PTPRD: variants seen among roughly 807,000 people sequenced by gnomAD.
PTPRD encodes the protein receptor-type tyrosine-protein phosphatase delta.
A neutral mutation model predicts 214.5 loss-of-function variants in PTPRD; 34 were observed. The observed-to-expected ratio is 0.16, with a 90% CI of 0.12 to 0.21. The LOEUF (loss-of-function observed/expected upper bound fraction) is 0.21. Ranked by LOEUF, PTPRD falls within the 10% of genes least tolerant of loss-of-function variation. The pLI is 1.00. For synonymous variants in PTPRD, 1,128 were observed against 845.7 expected, an observed-to-expected ratio of 1.33 and a Z score of -5.79; for missense variants, 2,545 against 2,398.7, an observed-to-expected ratio of 1.06 and a Z score of -1.27.
chr9:9,874,848 T>G (rs559932829), intron 5 of PTPRD, among the ~76,000 whole-genome samples: 21 of 152,150 alleles, frequency 1.4e-4, no homozygotes, highest in Non-Finnish European at 2.9e-4. Flanking sequence ...AATTTGAGAT[T>G]AGTGATACAT....
intron 5 of PTPRD, among the ~76,000 whole-genome samples, chr9:9,867,700 A>T (rs955471485): frequency 6.6e-6 from 1 of 152,126 alleles, no homozygotes; most frequent in African/African-American, 2.4e-5. Context: ...AGTCCCTTTA[A>T]TTCTCAACTC....
chr9:10,195,366 C>G (rs889123998), intron 3 of PTPRD, among the ~76,000 whole-genome samples: 2 of 151,932 alleles, frequency 1.3e-5, no homozygotes, highest in Non-Finnish European at 2.9e-5. Context: ...GTTAGAGACC[C>G]CAATTTTAGA....
intron 35 of PTPRD, among the ~76,000 whole-genome samples, chr9:8,407,920 C>T (rs1378176926): frequency 6.6e-6 from 1 of 152,174 alleles, no homozygotes; most frequent in Non-Finnish European, 1.5e-5. Context: ...TAAAGAATAA[C>T]AACTGAAAGT....
rs115391016 is a variant in PTPRD at position 10,124,133 on chromosome 9, G to A, written c.-544-90343C>T. Among the ~76,000 whole-genome samples, 654 of 152,060 alleles carry A rather than the reference G, an allele frequency of 4.3e-3. 4 individuals carry two copies. Among genetic ancestry groups the A allele is most frequent in the African/African-American group, 0.015 (628 of 41,486 alleles). On this transcript the variant is annotated intron_variant, in intron 3 of 45. Coordinates refer to ENST00000381196, the MANE Select transcript of PTPRD (RefSeq NM_002839.4). ...CATTTACTCAGTTGAGGAACCTGAC[G>A]GTCTCTTTTAAAAAGAGCACAGGAT...
chr9:9,201,088 T>C (rs912514959), intron 9 of PTPRD, among the ~76,000 whole-genome samples: 1 of 152,204 alleles, frequency 6.6e-6, no homozygotes, highest in Non-Finnish European at 1.5e-5. Flanking sequence ...TGGAAAATCT[T>C]ATCATGAAAA....
chr9:10,211,979 T>A (rs1217622721), intron 3 of PTPRD, among the ~76,000 whole-genome samples: 1 of 152,154 alleles, frequency 6.6e-6, no homozygotes, highest in Non-Finnish European at 1.5e-5. Context: ...ATACAGCAGG[T>A]CAATTTTGTC....
chr9:10,274,894 G>A (rs1468562873), intron 3 of PTPRD, among the ~76,000 whole-genome samples: 1 of 152,112 alleles, frequency 6.6e-6, no homozygotes. Flanking sequence ...AATGACGGTG[G>A]AATAGATGGT....
intron 12 of PTPRD, among the ~76,000 whole-genome samples, chr9:8,644,317 A>G (rs1564936601): frequency 6.6e-6 from 1 of 152,092 alleles, no homozygotes; most frequent in Non-Finnish European, 1.5e-5. Context: ...TGAGACGGAG[A>G]GAAGATGCCC....
chr9:9,279,402 T>A (rs1946850270), intron 9 of PTPRD, among the ~76,000 whole-genome samples: 1 of 148,970 alleles, frequency 6.7e-6, no homozygotes, highest in Admixed American at 6.8e-5. Flanking sequence ...ATATAACACT[T>A]TAAAGAATGC....
At chr9:8,515,156 T>C (rs2097761857) in intron 21 of PTPRD, among the ~76,000 whole-genome samples, 2 of 152,194 alleles carry the variant, frequency 1.3e-5, no homozygotes, top group African/African-American at 4.8e-5. Flanking sequence ...AATCCCTGGA[T>C]TTAAATTCTG....
At chr9:8,710,862 T>C (rs150587537) in intron 12 of PTPRD, among the ~76,000 whole-genome samples, 3 of 152,150 alleles carry the variant, frequency 2.0e-5, no homozygotes, top group Admixed American at 6.6e-5. Flanking sequence ...AGGATCTCCA[T>C]CAAACGAATA....
chr9:9,693,362 T>C (rs1326393721), intron 7 of PTPRD, among the ~76,000 whole-genome samples: 2 of 152,134 alleles, frequency 1.3e-5, no homozygotes, highest in East Asian at 3.9e-4. Context: ...GATGGTTTTA[T>C]AGTTTTTCCT....
intron 3 of PTPRD, among the ~76,000 whole-genome samples, chr9:10,187,062 AT>A (rs1423060562): frequency 1.3e-5 from 2 of 152,188 alleles, no homozygotes; most frequent in Non-Finnish European, 2.9e-5. Context: ...CATAAGAAAA[AT>A]TCTAACATGT....
At chr9:8,737,918 G>T (rs1478797007) in intron 11 of PTPRD, among the ~76,000 whole-genome samples, 1 of 149,290 alleles carries the variant, frequency 6.7e-6, no homozygotes, top group African/African-American at 2.4e-5. Context: ...CAACGTGCTG[G>T]GATTATAGAT....
At chr9:8,894,511 G>A (rs903501848) in intron 11 of PTPRD, among the ~76,000 whole-genome samples, 2 of 152,094 alleles carry the variant, frequency 1.3e-5, no homozygotes, top group South Asian at 2.1e-4. Flanking sequence ...GAGTCAGAAT[G>A]TGGGGGTTGG....
intron 5 of PTPRD, among the ~76,000 whole-genome samples, chr9:9,925,267 G>A (rs1164796728): frequency 6.6e-6 from 1 of 151,974 alleles, no homozygotes; most frequent in Non-Finnish European, 1.5e-5. Context: ...TACAGGGTAG[G>A]ATAAAATTGT....
At chr9:10,397,375 G>A (rs987078466) in intron 2 of PTPRD, among the ~76,000 whole-genome samples, 6 of 151,990 alleles carry the variant, frequency 3.9e-5, no homozygotes, top group African/African-American at 1.4e-4. Context: ...TGAAAGTGCT[G>A]TACTTGTTAC....
intron 11 of PTPRD, among the ~76,000 whole-genome samples, chr9:8,896,880 A>G (rs1264719502): frequency 2.0e-5 from 3 of 152,150 alleles, no homozygotes; most frequent in African/African-American, 7.2e-5. Flanking sequence ...TTCCAATCAA[A>G]TTGGTAAAAA....
chr9:9,589,594 T>G (rs1398656518), intron 7 of PTPRD, among the ~76,000 whole-genome samples: 2 of 152,052 alleles, frequency 1.3e-5, no homozygotes, highest in African/African-American at 4.8e-5. Flanking sequence ...CAGCATTAGA[T>G]AACTTTTGCA....
Sources: gnomAD v4.1 joint callset for allele counts (sites outside exome capture counted in the v4.1 genomes callset) on GRCh38, gnomAD v4.1.1 for gene constraint, MANE v1.5 for transcripts, NCBI Gene and HGNC (gene_info 2026-07-23, HGNC 2026-07-21) for gene names.